DCDC2: variants seen among roughly 807,000 people sequenced by gnomAD.
The protein encoded by DCDC2 is doublecortin domain-containing protein 2.
Under a neutral mutation model 50.2 loss-of-function variants are expected in DCDC2, and 40 were observed. The ratio of observed to expected loss-of-function variants is 0.80; its 90% confidence interval spans 0.62 to 1.04. The LOEUF (loss-of-function observed/expected upper bound fraction) is 1.04. Among genes scored for constraint, DCDC2 ranks in the 50% least tolerant of loss-of-function variants. The pLI is 0.00. For synonymous variants in DCDC2, 234 were observed against 210.6 expected (o/e 1.11, Z -0.96); for missense variants, 570 against 581.9 (o/e 0.98, Z 0.21).
chr6:24,175,906 T>C (rs907561755), intron 9 of DCDC2, among the ~76,000 whole-genome samples: 5 of 152,170 alleles, frequency 3.3e-5, no homozygotes, highest in Non-Finnish European at 7.3e-5. Context: ...TATACTAATA[T>C]GTTAGGGAGA....
the DCDC2 span, among the ~76,000 whole-genome samples, chr6:24,378,478 C>T: frequency 6.6e-6 from 1 of 152,110 alleles, no homozygotes; most frequent in African/African-American, 2.4e-5. Flanking sequence ...GCCCAGCACC[C>T]TTGCTTTAGG....
chr6:24,208,131 A>T (rs1028073353), intron 7 of DCDC2, among the ~76,000 whole-genome samples: 5 of 152,106 alleles, frequency 3.3e-5, no homozygotes, highest in South Asian at 2.1e-4. Flanking sequence ...GCCCATGTGC[A>T]GTTAGGACCA....
chr6:24,283,595 A>C (rs1224027306), intron 6 of DCDC2, among the ~76,000 whole-genome samples: 1 of 152,104 alleles, frequency 6.6e-6, no homozygotes, highest in African/African-American at 2.4e-5. Context: ...TTCCCCATGG[A>C]TTTTGCAGTG....
In DCDC2 at chr6:24,315,354, C is replaced by T. The variant is rs186339355; in HGVS notation, c.349-13310G>A. On this transcript the variant is annotated intron_variant, in intron 2 of 9. Transcript: ENST00000378454. ...AAGAACCCCAATGCAGAGAAGAAAG[C>T]CTTCCATACATGATACTCCCCTTCC... Among the ~76,000 whole-genome samples the T allele has an allele frequency of 2.3e-4, 35 of 152,200 alleles. No homozygotes were observed. The East Asian group carries it at 6.0e-3, about 26-fold the overall frequency.
chr6:24,261,601 T>TC (rs1254061152), intron 7 of DCDC2, among the ~76,000 whole-genome samples: 1 of 151,956 alleles, frequency 6.6e-6, no homozygotes, highest in Non-Finnish European at 1.5e-5. Context: ...TCTGAGAGGG[T>TC]CCCAGCAGGA....
At chr6:24,378,022 A>G in the DCDC2 span, among the ~76,000 whole-genome samples, 2 of 152,248 alleles carry the variant, frequency 1.3e-5, no homozygotes, top group African/African-American at 4.8e-5. Flanking sequence ...AGAAGTGCCC[A>G]GCACATTGTA....
chr6:24,267,437 T>C (rs1581621298), intron 7 of DCDC2, among the ~76,000 whole-genome samples: 3 of 152,220 alleles, frequency 2.0e-5, no homozygotes, highest in Admixed American at 1.3e-4. Context: ...ATACCTACTA[T>C]GTGCCCATGA....
intron 7 of DCDC2, among the ~76,000 whole-genome samples, chr6:24,267,891 A>G (rs937818076): frequency 1.3e-5 from 2 of 152,150 alleles, no homozygotes; most frequent in Non-Finnish European, 2.9e-5. Context: ...GAATCACACA[A>G]AAAGATGTCT....
the DCDC2 span, among the ~76,000 whole-genome samples, chr6:24,370,932 A>T: frequency 6.6e-6 from 1 of 152,142 alleles, no homozygotes; most frequent in Non-Finnish European, 1.5e-5. Flanking sequence ...TACAGAAGGA[A>T]AAAAACCCTA....
At chr6:24,379,348 AAAAC>A in the DCDC2 span, among the ~76,000 whole-genome samples, 15,190 of 152,162 alleles carry the variant, frequency 0.1, 1,260 homozygotes, top group East Asian at 0.39. Context: ...TACAAGAAAA[AAAAC>A]AAACAACCCC....
At chr6:24,176,320 T>C (rs1760911176) in intron 9 of DCDC2, among the ~76,000 whole-genome samples, 1 of 69,938 alleles carries the variant, frequency 1.4e-5, no homozygotes, top group African/African-American at 3.1e-5. Context: ...TAATTAGATG[T>C]TGTCTCAAAA....
chr6:24,198,594 CCAAGCTAGCTACAGTTTTTTTTTTTT>C (rs1007797084), intron 8 of DCDC2, among the ~76,000 whole-genome samples: 48 of 152,230 alleles, frequency 3.2e-4, no homozygotes, highest in African/African-American at 1.1e-3. Flanking sequence ...TGGGCAGACA[CCAAGCTAGCTACAGTTTTTTTTTTTT>C]CATACCCCAG....
intron 7 of DCDC2, among the ~76,000 whole-genome samples, chr6:24,227,953 TCCTA>T: frequency 6.6e-6 from 1 of 152,228 alleles, no homozygotes; most frequent in South Asian, 2.1e-4. Flanking sequence ...ATGGTGATTC[TCCTA>T]CTTGCTGGTT....
chr6:24,289,037 C>G (rs554648545), intron 5 of DCDC2, 131 bp from the exon 6 acceptor site: 24 of 592,326 alleles, frequency 4.1e-5, no homozygotes, highest in Non-Finnish European at 6.7e-5. Flanking sequence ...ATAACATACA[C>G]TTTAACACAT....
chr6:24,213,715 G>A (rs145536773), intron 7 of DCDC2, among the ~76,000 whole-genome samples: 143 of 152,258 alleles, frequency 9.4e-4, no homozygotes, highest in African/African-American at 3.3e-3. Flanking sequence ...CAGTAGGATA[G>A]GGTCTTTATG....
At chr6:24,345,691 A>G (rs1760241405) in intron 2 of DCDC2, among the ~76,000 whole-genome samples, 2 of 152,218 alleles carry the variant, frequency 1.3e-5, no homozygotes, top group Non-Finnish European at 1.5e-5. Flanking sequence ...ACACTTATTC[A>G]CTGATAGATC....
At chr6:24,183,977 C>A (rs1341812894) in intron 8 of DCDC2, among the ~76,000 whole-genome samples, 1 of 152,190 alleles carries the variant, frequency 6.6e-6, no homozygotes, top group Admixed American at 6.5e-5. Flanking sequence ...CTGAGCACCG[C>A]TCTGTGCCAA....
At chr6:24,281,889 C>A (rs3846828) in intron 6 of DCDC2, among the ~76,000 whole-genome samples, 13,951 of 152,150 alleles carry the variant, frequency 0.092, 725 homozygotes, top group Middle Eastern at 0.14. Flanking sequence ...ATTATTATCA[C>A]CATTTTATAG....
chr6:24,235,248 TG>T (rs1263744763), intron 7 of DCDC2, among the ~76,000 whole-genome samples: 1 of 152,198 alleles, frequency 6.6e-6, no homozygotes, highest in Non-Finnish European at 1.5e-5. Flanking sequence ...TCACAGTGAA[TG>T]GGGGAGATAA....
Sources: allele counts gnomAD v4.1 joint callset (sites outside exome capture counted in the v4.1 genomes callset), GRCh38; gene constraint gnomAD v4.1.1; transcripts MANE v1.5; gene names NCBI Gene and HGNC (gene_info 2026-07-23, HGNC 2026-07-21).